Variants in ASAP3 observed in about 807,000 individuals in gnomAD.
ASAP3 encodes the protein arf-GAP with SH3 domain, ANK repeat and PH domain-containing protein 3.
Under a neutral mutation model 118.2 loss-of-function variants are expected in ASAP3, and 85 were observed. That is an observed-to-expected ratio of 0.72 (90% CI 0.60 to 0.86). The LOEUF is 0.86. Ranked by LOEUF, ASAP3 falls within the 40% of genes least tolerant of loss-of-function variation. The pLI is 0.00. For synonymous variants in ASAP3, 432 were observed against 477.4 expected, an observed-to-expected ratio of 0.90 and a Z score of 1.24; for missense variants, 1,026 against 1,175.0, an observed-to-expected ratio of 0.87 and a Z score of 1.85.
chr1:23,431,808 T>G lies in ASAP3; in HGVS notation c.2434A>C (p.Ser812Arg), dbSNP rs1640445409. The change falls in exon 23 of 25, where the codon AGC becomes CGC. Residue 812 changes from serine (S) to arginine (R), a missense_variant. Transcript: ENST00000336689. Reference sequence around the variant, plus strand: ...TCTTCAGAGTTGGGTGGGGCTTGGCTGGGATCCCCAGGTTCCAAGGGGCTC... The same window carrying G: ...TCTTCAGAGTTGGGTGGGGCTTGGCGGGGATCCCCAGGTTCCAAGGGGCTC... The part of the protein sequence containing the change: ...LMSPLEPGDP[S>R]QAPPNSEEGL... The G allele has an allele frequency of 1.3e-6, 2 of 1,558,370 alleles. No individual in the cohort carries two copies. Among genetic ancestry groups the G allele is most frequent in the East Asian group, 4.6e-5 (2 of 43,312 alleles).
At chr1:23,472,017 C>G (rs1641978106) in intron 1 of ASAP3, among the ~76,000 whole-genome samples, 1 of 152,146 alleles carries the variant, frequency 6.6e-6, no homozygotes, top group Non-Finnish European at 1.5e-5. Context: ...AGTAGGATTT[C>G]ATTCACATGA....
intron 20 of ASAP3, 45 bp downstream of exon 20, chr1:23,433,581 G>A (rs1469519557): frequency 1.2e-6 from 2 of 1,614,076 alleles, no homozygotes; most frequent in Non-Finnish European, 1.7e-6. Flanking sequence ...GGCTCAGCAG[G>A]GAGAGAGAAA....
At chr1:23,433,563 G>C in intron 20 of ASAP3, 31 bp from the exon 21 acceptor site, 1 of 1,614,214 alleles carries the variant, frequency 6.2e-7, no homozygotes, top group South Asian at 1.1e-5. Context: ...GTGGTTCAGA[G>C]GGTTGGGGGC....
chr1:23,459,267 C>T (rs7551124), intron 1 of ASAP3, among the ~76,000 whole-genome samples: 120,127 of 151,636 alleles, frequency 0.79, 48,695 homozygotes, highest in Middle Eastern at 0.91. Flanking sequence ...CAGAAGGTGC[C>T]CAATAAATGT....
chr1:23,460,682 C>T (rs989805637), intron 1 of ASAP3, among the ~76,000 whole-genome samples: 6 of 152,144 alleles, frequency 3.9e-5, no homozygotes, highest in East Asian at 1.9e-4. Context: ...CTTAACTAAA[C>T]GTACTCTTGC....
chr1:23,481,753 AG>A (rs1321767246), intron 1 of ASAP3, among the ~76,000 whole-genome samples: 1 of 152,220 alleles, frequency 6.6e-6, no homozygotes, highest in African/African-American at 2.4e-5. Flanking sequence ...CAGCCAGGCA[AG>A]GCCAGATGTA....
At chr1:23,463,243 T>C (rs1017245978) in intron 1 of ASAP3, among the ~76,000 whole-genome samples, 4 of 152,118 alleles carry the variant, frequency 2.6e-5, no homozygotes, top group Non-Finnish European at 5.9e-5. Flanking sequence ...ATAGGGAGCA[T>C]GAAAAGGGAA....
intron 2 of ASAP3, 30 bp downstream of exon 2, chr1:23,456,090 GAC>G (rs1558153391): frequency 6.2e-7 from 1 of 1,614,026 alleles, no homozygotes; most frequent in Admixed American, 1.7e-5. Context: ...GGGGCTTCCT[GAC>G]CAGGCGGGGC....
chr1:23,471,705 CATA>C (rs1200166632), intron 1 of ASAP3, among the ~76,000 whole-genome samples: 1 of 152,138 alleles, frequency 6.6e-6, no homozygotes, highest in African/African-American at 2.4e-5. Context: ...TGTCAAATGG[CATA>C]ATAACAGCAT....
At position 23,437,531 on chromosome 1, in the gene ASAP3, C is replaced by T; in HGVS notation, c.1103-59G>A. 6.2e-7 allele frequency: 1 copy of T among 1,604,028 alleles called. No homozygotes were observed. Among genetic ancestry groups the T allele is most frequent in the South Asian group, 1.1e-5 (1 of 89,892 alleles). On this transcript the variant is annotated intron_variant, in intron 12 of 24. Coordinates refer to ENST00000336689, the MANE Select transcript of ASAP3 (RefSeq NM_017707.4). The surrounding 1 kb of genome is among the most constrained non-coding windows in gnomAD (Gnocchi z 6.1). ...AAATGCTGCTGGCCTTCCCGGAGCCCAGGGAGCCCCCACCAAAGCCGCTGG... is the reference window on the plus strand; with the variant it reads ...AAATGCTGCTGGCCTTCCCGGAGCCTAGGGAGCCCCCACCAAAGCCGCTGG...
chr1:23,446,427 A>G (rs1421278422), intron 5 of ASAP3, among the ~76,000 whole-genome samples: 1 of 141,826 alleles, frequency 7.1e-6, no homozygotes, highest in African/African-American at 2.5e-5. Flanking sequence ...AACAATTCAT[A>G]AGTTTTTTTG....
At chr1:23,439,074 AG>A in intron 11 of ASAP3, 86 bp downstream of exon 11, 1 of 1,530,310 alleles carries the variant, frequency 6.5e-7, no homozygotes, top group Non-Finnish European at 9.0e-7. Context: ...GGCCAGTCTT[AG>A]AGGGAGGGCT....
intron 1 of ASAP3, among the ~76,000 whole-genome samples, chr1:23,475,402 CT>C (rs1448059307): frequency 6.6e-6 from 1 of 152,236 alleles, no homozygotes; most frequent in African/African-American, 2.4e-5. Flanking sequence ...CTGTGAACTA[CT>C]GAACATTCCC....
intron 1 of ASAP3, among the ~76,000 whole-genome samples, chr1:23,477,369 T>C: frequency 1.3e-5 from 1 of 74,856 alleles, no homozygotes; most frequent in Non-Finnish European, 2.4e-5. Flanking sequence ...AGAGTGAGAC[T>C]CCATCTCAAA....
intron 4 of ASAP3, 112 bp from the exon 5 acceptor site, chr1:23,451,640 G>A (rs1260219080): frequency 8.1e-7 from 1 of 1,234,038 alleles, no homozygotes; most frequent in Non-Finnish European, 1.2e-6. Context: ...GAGCTGCTCA[G>A]AGCCCTTCTC....
intron 1 of ASAP3, among the ~76,000 whole-genome samples, chr1:23,457,269 C>A (rs988568969): frequency 1.3e-5 from 2 of 152,050 alleles, no homozygotes; most frequent in Admixed American, 1.3e-4. Flanking sequence ...GCTGTTCTTC[C>A]CAGTGACAAA....
At chr1:23,461,674 C>A (rs572049258) in intron 1 of ASAP3, among the ~76,000 whole-genome samples, 28 of 141,622 alleles carry the variant, frequency 2.0e-4, no homozygotes, top group African/African-American at 3.5e-4. Flanking sequence ...CGCACCCCCC[C>A]ACAAAAAAAA....
intron 1 of ASAP3, among the ~76,000 whole-genome samples, chr1:23,472,367 C>T (rs1641989342): frequency 6.6e-6 from 1 of 152,130 alleles, no homozygotes; most frequent in Non-Finnish European, 1.5e-5. Context: ...CAGGGTCTTG[C>T]TTTGTTGTTT....
chr1:23,444,717 G>C (rs1640991898), intron 5 of ASAP3, among the ~76,000 whole-genome samples: 1 of 152,138 alleles, frequency 6.6e-6, no homozygotes, highest in Non-Finnish European at 1.5e-5. Context: ...TAAAGTTCTG[G>C]GCCCTCCTGA....
Sources: allele counts gnomAD v4.1 joint callset (sites outside exome capture counted in the v4.1 genomes callset), GRCh38; gene constraint gnomAD v4.1.1; non-coding constraint Gnocchi (gnomAD v3.1); transcripts MANE v1.5; gene names NCBI Gene and HGNC (gene_info 2026-07-23, HGNC 2026-07-21).